The following SLC38A10 variants were observed in gnomAD, a reference collection of about 807,000 sequenced individuals.
SLC38A10 encodes Sodium-coupled neutral amino acid transporter 10.
SLC38A10 carries 53 observed loss-of-function variants against 81.0 expected under a neutral mutation model. The observed-to-expected ratio is 0.65, with a 90% CI of 0.53 to 0.82. The LOEUF (loss-of-function observed/expected upper bound fraction) is 0.82. SLC38A10 is among the 40% of genes least tolerant of loss of function. SLC38A10 has a pLI of 0.00. For synonymous variants in SLC38A10, 665 were observed against 655.3 expected (o/e 1.01, Z -0.23); for missense variants, 1,471 against 1,545.0 (o/e 0.95, Z 0.80).
rs2063296879 is a variant in SLC38A10 at position 81,289,860 on chromosome 17, G to A, written c.100-52C>T. 1 of 1,449,812 alleles carries A rather than the reference G, an allele frequency of 6.9e-7. No homozygotes were observed. The highest frequency in any genetic ancestry group is 9.3e-7 in the Non-Finnish European group (1 of 1,073,560). The allele number at this position is 1,449,812 out of a possible 1,614,324, so 89.8% of individuals were successfully genotyped here. On this transcript the variant is annotated intron_variant, in intron 1 of 15. Transcript: ENST00000374759. This position sits in a 1 kb window ranked among gnomAD's most constrained non-coding sequence, Gnocchi z 5.9. ...TTCACAGCAGCAGGTGCTCCCCAGA[G>A]GCCCTCACCCCACACACGCGGCTCA...
At position 81,252,505 on chromosome 17, in the gene SLC38A10, T is replaced by G. The variant is rs2062928144; in HGVS notation, c.1635A>C (p.Ser545=). 2 of 1,613,440 alleles carry G rather than the reference T, an allele frequency of 1.2e-6. No individual in the cohort carries two copies. Among genetic ancestry groups the G allele is most frequent in the Non-Finnish European group, 1.7e-6 (2 of 1,180,012 alleles). Residue 545 remains serine (S), a synonymous_variant, in exon 13 of 16, where the codon TCA becomes TCC. Transcript: ENST00000374759. ...QGQMAPPLPD[S]EREKQEPEQG... is the part of the protein sequence containing the mutation. ...GCTCCGGCTCTTGTTTCTCTCTTTC[T>G]GAGTCGGGCAGAGGCGGCGCCATCT...
chr17:81,254,894 G>A lies in SLC38A10; in HGVS notation c.1289-1654C>T, dbSNP rs565378525. ...GAGGGCCTGTCCAATGGATTACTAA[G>A]TGAAGAAAGGGAGGCTGGGGAGGGG... On this transcript the variant is annotated intron_variant, in intron 11 of 15. Transcript: ENST00000374759. Among the ~76,000 whole-genome samples, 3 of 152,388 alleles carry A rather than the reference G, an allele frequency of 2.0e-5. No individual in the cohort carries two copies. In the South Asian group the frequency reaches 6.2e-4, roughly 32 times the overall value.
chr17:81,271,929 G>T (rs575937396), intron 9 of SLC38A10, among the ~76,000 whole-genome samples: 1 of 151,178 alleles, frequency 6.6e-6, no homozygotes, highest in African/African-American at 2.4e-5. Flanking sequence ...GGGTTTCACC[G>T]TGTTAGCCAG....
chr17:81,273,294 C>A (rs1473009066), intron 8 of SLC38A10, among the ~76,000 whole-genome samples: 1 of 152,174 alleles, frequency 6.6e-6, no homozygotes, highest in East Asian at 1.9e-4. Flanking sequence ...GCCACCTGCC[C>A]CAGGACCCCC....
At chr17:81,262,727 G>A (rs1408873797) in intron 10 of SLC38A10, among the ~76,000 whole-genome samples, 8 of 152,202 alleles carry the variant, frequency 5.3e-5, no homozygotes, top group Non-Finnish European at 1.2e-4. Flanking sequence ...TTTGCCATCC[G>A]CCAGGGAGCA....
At position 81,290,399 on chromosome 17, in the gene SLC38A10, A is replaced by G. The variant is rs547677940; in HGVS notation, c.100-591T>C. On this transcript the variant is annotated intron_variant, in intron 1 of 15. Transcript: ENST00000374759. ...AGCGAATGGATACAAACTGTGGTCC[A>G]TTCGAATAAGGGAATATTAGTCAGC... is the stretch of plus-strand genomic sequence containing the variant. 1.1e-4 allele frequency among the ~76,000 whole-genome samples: 16 copies of G among 152,364 alleles called. No homozygotes were observed. In the South Asian group the frequency reaches 2.9e-3, roughly 28 times the overall value.
intron 10 of SLC38A10, among the ~76,000 whole-genome samples, chr17:81,268,247 T>C (rs1488229568): frequency 1.3e-5 from 2 of 152,192 alleles, no homozygotes; most frequent in Admixed American, 6.5e-5. Flanking sequence ...GCCTATCCCC[T>C]GTATGATGGA....
intron 10 of SLC38A10, among the ~76,000 whole-genome samples, chr17:81,268,892 A>G (rs1205856433): frequency 1.3e-5 from 2 of 152,246 alleles, no homozygotes; most frequent in Non-Finnish European, 2.9e-5. Flanking sequence ...GTTATAAGAG[A>G]CATACCATGA....
Position 81,283,277 on chromosome 17 carries a change from T to A in SLC38A10, c.357+132A>T. ...AAGCCCCCGCACTCCACCAAGCCCC[T>A]AGAATGACAGCAGGCTCGACAGAAG... On this transcript the variant is annotated intron_variant, in intron 4 of 15. Transcript: ENST00000374759. This position sits in a 1 kb window ranked among gnomAD's most constrained non-coding sequence, Gnocchi z 4.7. 1.3e-6 allele frequency: 1 copy of A among 754,200 alleles called. No homozygotes were observed. Among genetic ancestry groups the A allele is most frequent in the Non-Finnish European group, 2.2e-6 (1 of 460,126 alleles). The allele number at this position is 754,200 out of a possible 1,614,324, so 46.7% of individuals were successfully genotyped here. A position where few individuals can be genotyped will look rare whatever the true frequency, so the allele number is the denominator to read the frequency against.
chr17:81,251,202 T>TG, intron 14 of SLC38A10: 1 of 1,543,150 alleles, frequency 6.5e-7, no homozygotes, highest in Non-Finnish European at 8.7e-7. Context: ...CAAGTGACAA[T>TG]GCCGCAGGTG....
In SLC38A10 at chr17:81,276,201, G is replaced by C. The variant is rs369465158; in HGVS notation, c.730-50C>G. On this transcript the variant is annotated intron_variant, in intron 7 of 15. Coordinates refer to ENST00000374759, the MANE Select transcript of SLC38A10 (RefSeq NM_001037984.3). The surrounding 1 kb of genome is among the most constrained non-coding windows in gnomAD (Gnocchi z 4.7). ...CGTGGCAGACAGACATCCTAGCCGA[G>C]TGGCACCTGTCACAGTGGGCAGGGC... The C allele has an allele frequency of 4.8e-5, 73 of 1,518,540 alleles. No individual in the cohort carries two copies. The highest frequency in any genetic ancestry group is 6.3e-5 in the Non-Finnish European group (71 of 1,125,316). The allele number at this position is 1,518,540 out of a possible 1,614,324, so 94.1% of individuals were successfully genotyped here.
intron 14 of SLC38A10, among the ~76,000 whole-genome samples, chr17:81,248,940 G>A (rs955119019): frequency 6.6e-6 from 1 of 152,226 alleles, no homozygotes; most frequent in Non-Finnish European, 1.5e-5. Context: ...CAGGTCTCCC[G>A]CACACCTCCT....
At chr17:81,251,798 A>G in intron 13 of SLC38A10, 186 bp from the exon 14 acceptor site, 1 of 621,010 alleles carries the variant, frequency 1.6e-6, no homozygotes, top group East Asian at 3.2e-5. Flanking sequence ...ATATTTAACA[A>G]CCTCATAGGC....
Position 81,294,804 on chromosome 17 carries a change from C to G in SLC38A10, c.99+19G>C. ...GCGGGGGAGGCGAGGGCGGTGATCT[C>G]CGGGCCCACCGGACTCACCTGTTTG... On this transcript the variant is annotated intron_variant, in intron 1 of 15. Transcript: ENST00000374759. The G allele has an allele frequency of 6.4e-7, 1 of 1,569,858 alleles. No individual in the cohort carries two copies. The highest frequency in any genetic ancestry group is 8.6e-7 in the Non-Finnish European group (1 of 1,158,718).
chr17:81,246,747 C>T (rs2146875082), intron 15 of SLC38A10, 74 bp from the exon 16 acceptor site: 1 of 1,499,060 alleles, frequency 6.7e-7, no homozygotes. Flanking sequence ...TCAGAAGAAC[C>T]AGCAACAACA....
intron 8 of SLC38A10, among the ~76,000 whole-genome samples, chr17:81,273,775 G>A (rs534793326): frequency 1.1e-4 from 17 of 152,330 alleles, no homozygotes; most frequent in African/African-American, 3.8e-4. Flanking sequence ...GAGATGGTTA[G>A]CCACGAGAGG....
chr17:81,280,632 G>A lies in SLC38A10; in HGVS notation c.603C>T (p.Phe201=), dbSNP rs767050916. 51 of 1,612,580 alleles carry A rather than the reference G, an allele frequency of 3.2e-5. No homozygotes were observed. Among genetic ancestry groups the A allele is most frequent in the Admixed American group, 2.2e-4 (13 of 59,972 alleles). The part of the protein sequence containing the change: ...WEGVFRCIPI[F]GMSFACQSQV... ...ACGACTGGCAGGCGAAGGACATGCCGAAGATGGGGATGCAGCGGAAGACGC... is the reference window on the plus strand; with the variant it reads ...ACGACTGGCAGGCGAAGGACATGCCAAAGATGGGGATGCAGCGGAAGACGC... The change falls in exon 6 of 16, where the codon TTC becomes TTT. Residue 201 remains phenylalanine, a synonymous_variant. Transcript: ENST00000374759.
chr17:81,254,505 T>C (rs2062954733), intron 11 of SLC38A10, among the ~76,000 whole-genome samples: 1 of 152,214 alleles, frequency 6.6e-6, no homozygotes, highest in Admixed American at 6.5e-5. Context: ...TGGAGTGCAG[T>C]GGCACAATTT....
chr17:81,273,760 G>A (rs1350106524), intron 8 of SLC38A10, among the ~76,000 whole-genome samples: 1 of 152,182 alleles, frequency 6.6e-6, no homozygotes, highest in Non-Finnish European at 1.5e-5. Flanking sequence ...CACGAAGACT[G>A]TCGTGAGATG....
Sources: allele counts gnomAD v4.1 joint callset (sites outside exome capture counted in the v4.1 genomes callset), GRCh38; gene constraint gnomAD v4.1.1; non-coding constraint Gnocchi (gnomAD v3.1); transcripts MANE v1.5; gene names NCBI Gene and HGNC (gene_info 2026-07-23, HGNC 2026-07-21).